The following ZNF440 variants were observed in gnomAD, a reference collection of about 807,000 sequenced individuals.
ZNF440 encodes the protein zinc finger protein 440.
Under a neutral mutation model 49.7 loss-of-function variants are expected in ZNF440, and 47 were observed. The observed-to-expected ratio is 0.95, with a 90% CI of 0.75 to 1.21. The LOEUF is 1.21. Among genes scored for constraint, ZNF440 ranks in the 50% most tolerant of loss-of-function variants. The pLI is 0.00. For missense variants in ZNF440, 703 were observed against 715.0 expected, an observed-to-expected ratio of 0.98 and a Z score of 0.19; for synonymous variants, 255 against 237.7, an observed-to-expected ratio of 1.07 and a Z score of -0.67.
In ZNF440 at chr19:11,834,207, A is replaced by T; in HGVS notation, c.*1243A>T. 4.0e-6 allele frequency: 1 copy of T among 252,672 alleles called. No homozygotes were observed. The highest frequency in any genetic ancestry group is 7.7e-6 in the Non-Finnish European group (1 of 129,216). 15.7% of individuals were successfully genotyped at this position (252,672 alleles called of 1,614,324 possible). A position where few individuals can be genotyped will look rare whatever the true frequency, so the allele number is the denominator to read the frequency against. ...AGTGGCATGATCTCAGGTCACTGCA[A>T]CCTCTGCCTCCAGGGTTCAAGCAAT... is the stretch of plus-strand genomic sequence containing the variant. On this transcript the variant is annotated 3_prime_UTR_variant, in exon 4 of 4. Transcript: ENST00000304060.
chr19:11,830,455 G>A lies in ZNF440; in HGVS notation c.130+46G>A, dbSNP rs946301128. ...TCCCTCAGTCCATTAGTGAACCAGTGTTTCTAGCTCATTAATGCTGTTGAG... is the reference window on the plus strand; with the variant it reads ...TCCCTCAGTCCATTAGTGAACCAGTATTTCTAGCTCATTAATGCTGTTGAG... On this transcript the variant is annotated intron_variant, in intron 2 of 3. Coordinates refer to ENST00000304060, the MANE Select transcript of ZNF440 (RefSeq NM_152357.3). 3.1e-6 allele frequency: 5 copies of A among 1,610,610 alleles called. No homozygotes were observed. In the Admixed American group the frequency reaches 6.8e-5, roughly 22 times the overall value.
intron 1 of ZNF440, among the ~76,000 whole-genome samples, chr19:11,819,715 C>T (rs2677564): frequency 0.33 from 50,700 of 152,122 alleles, 8,652 homozygotes; most frequent in Non-Finnish European, 0.37. Flanking sequence ...TACTTGTTCA[C>T]ACAGCCTATA....
chr19:11,828,520 C>A (rs1975893888), intron 1 of ZNF440, among the ~76,000 whole-genome samples: 1 of 151,788 alleles, frequency 6.6e-6, no homozygotes, highest in Non-Finnish European at 1.5e-5. Context: ...TATCTTAAAA[C>A]AAAATGTAAA....
At chr19:11,818,861 T>TTGC (rs1297913344) in intron 1 of ZNF440, among the ~76,000 whole-genome samples, 2 of 152,184 alleles carry the variant, frequency 1.3e-5, no homozygotes, top group Admixed American at 1.3e-4. Context: ...TCATTATGGT[T>TTGC]TTTTTTCCCC....
At chr19:11,828,743 GGT>G in intron 1 of ZNF440, among the ~76,000 whole-genome samples, 1 of 148,442 alleles carries the variant, frequency 6.7e-6, no homozygotes, top group Admixed American at 6.7e-5. Flanking sequence ...GGAGTGCAAT[GGT>G]GCAATCTTGG....
At chr19:11,821,588 G>C (rs75238322) in intron 1 of ZNF440, among the ~76,000 whole-genome samples, 1,737 of 152,190 alleles carry the variant, frequency 0.011, 30 homozygotes, top group African/African-American at 0.04. Context: ...GGGCACACAG[G>C]GGGGTATAGT....
At position 11,833,193 on chromosome 19, in the gene ZNF440, A is replaced by G. The variant is rs1176542061; in HGVS notation, c.*229A>G. ...TTTGGGAAAGCCTTCAGATCTGTCAAAAATCTTCGATTTCATAAAAGGACA... is the reference window on the plus strand; with the variant it reads ...TTTGGGAAAGCCTTCAGATCTGTCAGAAATCTTCGATTTCATAAAAGGACA... On this transcript the variant is annotated 3_prime_UTR_variant, in exon 4 of 4. Transcript: ENST00000304060. 3 of 1,162,896 alleles carry G rather than the reference A, an allele frequency of 2.6e-6. No individual in the cohort carries two copies. Among genetic ancestry groups the G allele is most frequent in the African/African-American group, 1.6e-5 (1 of 64,476 alleles). The allele number at this position is 1,162,896 out of a possible 1,614,324, so 72.0% of individuals were successfully genotyped here.
chr19:11,814,414 G>T lies in ZNF440; in HGVS notation c.-34G>T. 6.4e-7 allele frequency: 1 copy of T among 1,558,930 alleles called. No individual in the cohort carries two copies. The highest frequency in any genetic ancestry group is 8.7e-7 in the Non-Finnish European group (1 of 1,154,152). Reference sequence around the variant, plus strand: ...GACCTACACTAGTCGCGGGAGCCACGCAGAGGACGCCGGAACACCCTGGAA... The same window carrying T: ...GACCTACACTAGTCGCGGGAGCCACTCAGAGGACGCCGGAACACCCTGGAA... On this transcript the variant is annotated 5_prime_UTR_variant, in exon 1 of 4. Coordinates refer to ENST00000304060, the MANE Select transcript of ZNF440 (RefSeq NM_152357.3).
At chr19:11,820,895 C>A (rs10412227) in intron 1 of ZNF440, among the ~76,000 whole-genome samples, 1 of 152,082 alleles carries the variant, frequency 6.6e-6, no homozygotes, top group Non-Finnish European at 1.5e-5. Context: ...GCCACTTCAA[C>A]GGGGTGGAGC....
chr19:11,822,872 T>C (rs1975816175), intron 1 of ZNF440, among the ~76,000 whole-genome samples: 1 of 117,394 alleles, frequency 8.5e-6, no homozygotes, highest in African/African-American at 3.2e-5. Context: ...GATGCCCTGG[T>C]TTCACAATTT....
chr19:11,815,439 A>T (rs1049916244), intron 1 of ZNF440, among the ~76,000 whole-genome samples: 1 of 152,172 alleles, frequency 6.6e-6, no homozygotes. Flanking sequence ...TTTACAGAAC[A>T]GGTAGCTAGG....
intron 1 of ZNF440, among the ~76,000 whole-genome samples, chr19:11,825,463 C>T (rs1975852265): frequency 6.6e-6 from 1 of 152,194 alleles, no homozygotes; most frequent in Non-Finnish European, 1.5e-5. Flanking sequence ...TCCCCTCCCT[C>T]TTTTGCCACC....
At chr19:11,830,493 T>G in intron 2 of ZNF440, 84 bp downstream of exon 2, 1 of 1,603,774 alleles carries the variant, frequency 6.2e-7, no homozygotes. Context: ...ATTTAGAACA[T>G]AGACAGGAAA....
intron 1 of ZNF440, among the ~76,000 whole-genome samples, chr19:11,826,408 G>A (rs1157182890): frequency 1.3e-5 from 2 of 151,974 alleles, no homozygotes; most frequent in Non-Finnish European, 2.9e-5. Context: ...GAGGACTTTC[G>A]TGTGGACATC....
In ZNF440 at chr19:11,833,994, C is replaced by T. The variant is rs1975987113; in HGVS notation, c.*1030C>T. The T allele has an allele frequency of 7.6e-6, 2 of 264,072 alleles. No individual in the cohort carries two copies. The highest frequency in any genetic ancestry group is 1.5e-4 in the South Asian group (1 of 6,530). 16.4% of individuals were successfully genotyped at this position (264,072 alleles called of 1,614,324 possible). The stretch of plus-strand genomic sequence containing the variant: ...TGTCATGTATTAGATCAGCCTTATA[C>T]TGTTAAATTGTTATTATTTGGACAT... On this transcript the variant is annotated 3_prime_UTR_variant, in exon 4 of 4. Transcript: ENST00000304060.
intron 1 of ZNF440, among the ~76,000 whole-genome samples, chr19:11,826,050 G>T (rs1229841716): frequency 6.6e-6 from 1 of 152,078 alleles, no homozygotes; most frequent in African/African-American, 2.4e-5. Flanking sequence ...GACCTCAGGT[G>T]ATCCACCCGC....
intron 1 of ZNF440, among the ~76,000 whole-genome samples, chr19:11,826,339 C>T (rs1228228434): frequency 6.6e-6 from 1 of 151,596 alleles, no homozygotes; most frequent in Non-Finnish European, 1.5e-5. Flanking sequence ...TTTTAAGACT[C>T]ACCTTGTTTG....
intron 1 of ZNF440, among the ~76,000 whole-genome samples, chr19:11,823,826 G>A (rs1026206057): frequency 6.6e-6 from 1 of 152,076 alleles, no homozygotes; most frequent in Non-Finnish European, 1.5e-5. Context: ...GCCAGGCCTG[G>A]TGGCACATGC....
In ZNF440 at chr19:11,834,174, T is replaced by A. The variant is rs74181615; in HGVS notation, c.*1210T>A. 20,227 of 287,768 alleles carry A rather than the reference T, an allele frequency of 0.07. 888 individuals carry two copies. Among genetic ancestry groups the A allele is most frequent in the Middle Eastern group, 0.12 (122 of 998 alleles). 17.8% of individuals were successfully genotyped at this position (287,768 alleles called of 1,614,324 possible). On this transcript the variant is annotated 3_prime_UTR_variant, in exon 4 of 4. Coordinates refer to ENST00000304060, the MANE Select transcript of ZNF440 (RefSeq NM_152357.3). Reference sequence around the variant, plus strand: ...AAGAATCTCACTCTGTCACCCAGGCTGGAGTGCAGTGGCATGATCTCAGGT... The same window carrying A: ...AAGAATCTCACTCTGTCACCCAGGCAGGAGTGCAGTGGCATGATCTCAGGT...
Sources: allele counts gnomAD v4.1 joint callset (sites outside exome capture counted in the v4.1 genomes callset), GRCh38; gene constraint gnomAD v4.1.1; transcripts MANE v1.5; gene names NCBI Gene and HGNC (gene_info 2026-07-23, HGNC 2026-07-21).